The following OPA1 variants were observed in gnomAD, a reference collection of about 807,000 sequenced individuals.
OPA1 encodes the protein OPA1 mitochondrial dynamin like GTPase.
A neutral mutation model predicts 152.9 loss-of-function variants in OPA1; 59 were observed. The observed-to-expected ratio is 0.39, with a 90% CI of 0.31 to 0.48. The LOEUF (loss-of-function observed/expected upper bound fraction) is 0.48, where lower values mean the gene tolerates loss of function less well. Among genes scored for constraint, OPA1 ranks in the 20% least tolerant of loss-of-function variants. OPA1 has a pLI of 0.96. For synonymous variants in OPA1, 400 were observed against 389.9 expected, an observed-to-expected ratio of 1.03 and a Z score of -0.31; for missense variants, 1,008 against 1,216.8, an observed-to-expected ratio of 0.83 and a Z score of 2.55.
chr3:193,688,257 T>G (rs1007884655), intron 29 of OPA1, among the ~76,000 whole-genome samples: 1 of 152,090 alleles, frequency 6.6e-6, no homozygotes, highest in African/African-American at 2.4e-5. Flanking sequence ...TGAGCATTTT[T>G]GGGCCCATTT....
chr3:193,686,115 C>G (rs2109424481), intron 29 of OPA1, among the ~76,000 whole-genome samples: 1 of 152,300 alleles, frequency 6.6e-6, no homozygotes, highest in East Asian at 1.9e-4. Flanking sequence ...AAGATTTTGT[C>G]TACAACAGTG....
intron 15 of OPA1, 100 bp from the exon 16 acceptor site, chr3:193,643,875 T>C (rs1734145137): frequency 7.9e-7 from 1 of 1,273,466 alleles, no homozygotes; most frequent in Non-Finnish European, 1.1e-6. Context: ...TTAAAATCTT[T>C]CTTGCTATAA....
intron 1 of OPA1, chr3:193,614,110 C>G (rs73067653): frequency 2.4e-5 from 9 of 372,958 alleles, no homozygotes; most frequent in Non-Finnish European, 3.7e-5. Context: ...TGTTCCCTTT[C>G]GAGCTTTTTT....
intron 4 of OPA1, 61 bp downstream of exon 4, chr3:193,617,346 GGATT>G: frequency 1.1e-6 from 1 of 951,722 alleles, no homozygotes; most frequent in East Asian, 2.5e-5. Flanking sequence ...AAAAATACAT[GGATT>G]ATTTGTTTAT....
At chr3:193,642,398 G>C (rs1279763030) in intron 11 of OPA1, among the ~76,000 whole-genome samples, 2 of 152,168 alleles carry the variant, frequency 1.3e-5, no homozygotes, top group Admixed American at 6.5e-5. Flanking sequence ...TCATCTTTGA[G>C]GTTAAATGCA....
At chr3:193,646,421 A>G (rs1287744274) in intron 18 of OPA1, 2 of 152,452 alleles carry the variant, frequency 1.3e-5, no homozygotes, top group Admixed American at 6.5e-5. Flanking sequence ...TAGTTATTAA[A>G]ATTTAAATTA....
chr3:193,664,500 C>G (rs1354743436), intron 26 of OPA1, among the ~76,000 whole-genome samples: 2 of 151,836 alleles, frequency 1.3e-5, no homozygotes, highest in Non-Finnish European at 2.9e-5. Flanking sequence ...GATCTGAGAC[C>G]ATCTTAAGTT....
chr3:193,600,952 A>T (rs189646478), intron 1 of OPA1, among the ~76,000 whole-genome samples: 150 of 152,288 alleles, frequency 9.8e-4, no homozygotes, highest in African/African-American at 3.4e-3. Context: ...GTAGTAACAG[A>T]ATCAGGGGAG....
chr3:193,613,626 G>T (rs1398406295), intron 1 of OPA1, among the ~76,000 whole-genome samples: 1 of 151,152 alleles, frequency 6.6e-6, no homozygotes, highest in African/African-American at 2.4e-5. Flanking sequence ...TGCCCAGGCT[G>T]GAGTGCAGTG....
At chr3:193,680,197 T>C (rs1240116436) in intron 29 of OPA1, among the ~76,000 whole-genome samples, 2 of 139,908 alleles carry the variant, frequency 1.4e-5, no homozygotes, top group Non-Finnish European at 3.1e-5. Context: ...AAATCAGAAT[T>C]ACATTCTCTG....
intron 29 of OPA1, among the ~76,000 whole-genome samples, chr3:193,669,227 C>T (rs909193305): frequency 1.3e-5 from 2 of 152,214 alleles, no homozygotes; most frequent in Non-Finnish European, 1.5e-5. Context: ...TTGCCATCAG[C>T]GCTTGCGGCC....
In OPA1 at chr3:193,662,966, A is replaced by G. The variant is rs2109232238; in HGVS notation, c.2661+4A>G. ...AGTAGAAGTAGATCCAAGCTTGGTAATAAATACTGCTGAGAAGCAGGAATC... is the reference window on the plus strand; with the variant it reads ...AGTAGAAGTAGATCCAAGCTTGGTAGTAAATACTGCTGAGAAGCAGGAATC... On this transcript the variant is annotated splice_donor_region_variant and intron_variant, in intron 26 of 30. Coordinates refer to ENST00000361510, the MANE Select transcript of OPA1 (RefSeq NM_130837.3). 2 of 1,613,410 alleles carry G rather than the reference A, an allele frequency of 1.2e-6. No homozygotes were observed. The highest frequency in any genetic ancestry group is 1.7e-6 in the Non-Finnish European group (2 of 1,179,416).
rs1264861993 is a variant in OPA1, at chr3:193,617,298, C to T, written c.556+13C>T. ...TTTTTTACCTCAGGTAAGGAAGAAG[C>T]TGTTTGATCTAATTTAAAAATTTAA... On this transcript the variant is annotated intron_variant, in intron 4 of 30. Coordinates refer to ENST00000361510, the MANE Select transcript of OPA1 (RefSeq NM_130837.3). 6.8e-7 allele frequency: 1 copy of T among 1,463,524 alleles called. No homozygotes were observed. The highest frequency in any genetic ancestry group is 9.6e-7 in the Non-Finnish European group (1 of 1,045,156). 90.7% of individuals were successfully genotyped at this position (1,463,524 alleles called of 1,614,324 possible).
At chr3:193,640,565 A>T (rs184197023) in intron 11 of OPA1, among the ~76,000 whole-genome samples, 1 of 152,328 alleles carries the variant, frequency 6.6e-6, no homozygotes, top group East Asian at 1.9e-4. Flanking sequence ...GTTAATTAGA[A>T]AGGAGAAGAG....
intron 29 of OPA1, among the ~76,000 whole-genome samples, chr3:193,677,374 G>A (rs1487716987): frequency 2.0e-5 from 3 of 147,598 alleles, no homozygotes; most frequent in Non-Finnish European, 4.4e-5. Flanking sequence ...GCTCACTGCA[G>A]CCTTGAACTC....
At chr3:193,643,901 A>G (rs1219250771) in intron 15 of OPA1, 74 bp from the exon 16 acceptor site, 1 of 1,456,522 alleles carries the variant, frequency 6.9e-7, no homozygotes, top group African/African-American at 1.4e-5. Flanking sequence ...ACACAGGGGT[A>G]TAATTTGTAC....
At chr3:193,644,245 A>C (rs1199658351) in intron 16 of OPA1, 140 bp downstream of exon 16, 1 of 994,052 alleles carries the variant, frequency 1.0e-6, no homozygotes, top group African/African-American at 1.6e-5. Flanking sequence ...AGGATAAAGC[A>C]AAATCACAAA....
intron 6 of OPA1, 74 bp from the exon 7 acceptor site, chr3:193,626,018 C>T: frequency 9.1e-7 from 1 of 1,101,660 alleles, no homozygotes. Flanking sequence ...TACATCTGTT[C>T]CTTTGTTGCA....
chr3:193,610,729 G>T (rs188447130), intron 1 of OPA1, among the ~76,000 whole-genome samples: 2 of 152,192 alleles, frequency 1.3e-5, no homozygotes, highest in South Asian at 4.1e-4. Flanking sequence ...TCAAGCCTCC[G>T]CAATGGCGGG....
Sources: gnomAD v4.1 joint callset for allele counts (sites outside exome capture counted in the v4.1 genomes callset) on GRCh38, gnomAD v4.1.1 for gene constraint, MANE v1.5 for transcripts, NCBI Gene and HGNC (gene_info 2026-07-23, HGNC 2026-07-21) for gene names.